The following STON2 variants were observed in gnomAD, a reference collection of about 807,000 sequenced individuals.
STON2 encodes the protein stonin 2.
In STON2, 29 loss-of-function variants were observed where a neutral mutation model predicts 65.7. The ratio of observed to expected loss-of-function variants is 0.44; its 90% CI spans 0.33 to 0.60. The LOEUF is 0.60. Among genes scored for constraint, STON2 ranks in the 20% least tolerant of loss-of-function variants. The pLI is 0.03. For synonymous variants in STON2, 404 were observed against 414.2 expected (o/e 0.98, Z 0.30); for missense variants, 1,054 against 1,118.1 (o/e 0.94, Z 0.82).
chr14:81,318,321 G>T (rs1896700515), intron 5 of STON2, among the ~76,000 whole-genome samples: 1 of 152,088 alleles, frequency 6.6e-6, no homozygotes, highest in Non-Finnish European at 1.5e-5. Flanking sequence ...TGAGTCCCCT[G>T]CTTACTTCCA....
chr14:81,318,315 TC>T (rs1896700405), intron 5 of STON2, among the ~76,000 whole-genome samples: 1 of 151,990 alleles, frequency 6.6e-6, no homozygotes, highest in Non-Finnish European at 1.5e-5. Flanking sequence ...CAGCTATGAG[TC>T]CCCTGCTTAC....
intron 2 of STON2, among the ~76,000 whole-genome samples, chr14:81,411,682 G>A (rs1379919563): frequency 6.6e-6 from 1 of 152,146 alleles, no homozygotes; most frequent in Admixed American, 6.5e-5. Flanking sequence ...ACTCTAGCCT[G>A]GCAAGGCTTT....
intron 2 of STON2, among the ~76,000 whole-genome samples, chr14:81,416,764 A>C (rs114512639): frequency 1.6e-3 from 239 of 152,364 alleles, no homozygotes; most frequent in African/African-American, 5.4e-3. Flanking sequence ...TCTTTGGACC[A>C]TAGGAAAACC....
chr14:81,330,199 C>T lies in STON2; in HGVS notation c.572-6012G>A, dbSNP rs142445380. 4.7e-3 allele frequency among the ~76,000 whole-genome samples: 718 copies of T among 152,294 alleles called. 3 individuals carry two copies. Among genetic ancestry groups the T allele is most frequent in the African/African-American group, 0.017 (689 of 41,566 alleles). ...GCCTCAGCATACCATCACCCCCTCT[C>T]GGCACCGTGAGAAGAATTCAAATGC... On this transcript the variant is annotated intron_variant, in intron 4 of 7. Coordinates refer to ENST00000614646, the MANE Select transcript of STON2 (RefSeq NM_001394390.1).
At chr14:81,409,460 C>T (rs907609729) in intron 2 of STON2, among the ~76,000 whole-genome samples, 1 of 150,532 alleles carries the variant, frequency 6.6e-6, no homozygotes, top group South Asian at 2.1e-4. Context: ...CTTATTTATA[C>T]ACACACACAC....
At chr14:81,293,211 G>A (rs1895629894) in intron 5 of STON2, among the ~76,000 whole-genome samples, 2 of 143,332 alleles carry the variant, frequency 1.4e-5, no homozygotes, top group South Asian at 2.2e-4. Context: ...GTCTCGCTCC[G>A]TCATCAGGCT....
At chr14:81,283,925 G>A (rs1361646398) in intron 5 of STON2, among the ~76,000 whole-genome samples, 3 of 152,150 alleles carry the variant, frequency 2.0e-5, no homozygotes, top group Non-Finnish European at 2.9e-5. Flanking sequence ...TCTGGGTCAC[G>A]TTTTGGTAAT....
chr14:81,268,592 T>G, intron 7 of STON2, 95 bp from the exon 8 acceptor site: 1 of 1,263,866 alleles, frequency 7.9e-7, no homozygotes, highest in Non-Finnish European at 1.0e-6. Context: ...ACTTTGAAAT[T>G]TCTTATAATT....
chr14:81,310,952 T>A (rs1333333425), intron 5 of STON2, among the ~76,000 whole-genome samples: 1 of 152,174 alleles, frequency 6.6e-6, no homozygotes, highest in Non-Finnish European at 1.5e-5. Flanking sequence ...TTGAGGACTA[T>A]GTCTCTGTCT....
intron 3 of STON2, among the ~76,000 whole-genome samples, chr14:81,372,400 C>T (rs1017638819): frequency 6.6e-6 from 1 of 151,884 alleles, no homozygotes; most frequent in Non-Finnish European, 1.5e-5. Flanking sequence ...TAAAAAAATA[C>T]AAAAATTAGC....
intron 1 of STON2, among the ~76,000 whole-genome samples, chr14:81,432,062 G>T (rs1902247328): frequency 6.6e-6 from 1 of 152,138 alleles, no homozygotes; most frequent in Non-Finnish European, 1.5e-5. Flanking sequence ...CACTTAGAAT[G>T]GTGATCCTAG....
At chr14:81,312,120 A>G (rs1896447742) in intron 5 of STON2, among the ~76,000 whole-genome samples, 1 of 152,164 alleles carries the variant, frequency 6.6e-6, no homozygotes, top group African/African-American at 2.4e-5. Context: ...CTTCTCCCTC[A>G]TAAGAAGAGA....
intron 5 of STON2, among the ~76,000 whole-genome samples, chr14:81,309,967 T>C (rs553446776): frequency 2.4e-4 from 36 of 152,294 alleles, no homozygotes; most frequent in African/African-American, 8.4e-4. Flanking sequence ...TATGCAGGAC[T>C]CTGAATTAGA....
rs2140090689 is a variant in STON2 at position 81,267,125 on chromosome 14, AT to A, written c.*1288del. 1.0e-6 allele frequency: 1 copy of A among 985,336 alleles called. No homozygotes were observed. The allele number at this position is 985,336 out of a possible 1,614,324, so 61.0% of individuals were successfully genotyped here. ...GTGTGCTTTCTGTCCCCCGACTTGTATTCTTCATGGGAGAAAACACTAAGAT... is the reference window on the plus strand; with the variant it reads ...GTGTGCTTTCTGTCCCCCGACTTGTATCTTCATGGGAGAAAACACTAAGAT... On this transcript the variant is annotated 3_prime_UTR_variant, in exon 8 of 8. Coordinates refer to ENST00000614646, the MANE Select transcript of STON2 (RefSeq NM_001394390.1).
At chr14:81,389,979 G>A (rs4083463) in intron 3 of STON2, among the ~76,000 whole-genome samples, 46,286 of 151,952 alleles carry the variant, frequency 0.3, 7,334 homozygotes, top group South Asian at 0.42. Context: ...TTGGGAGGCC[G>A]AGGTGGGCCG....
intron 4 of STON2, among the ~76,000 whole-genome samples, chr14:81,353,830 CT>C (rs1243447882): frequency 1.3e-5 from 2 of 152,088 alleles, no homozygotes; most frequent in Admixed American, 1.3e-4. Context: ...GGATGTAGAC[CT>C]TGGTGGTAGC....
chr14:81,408,761 T>C (rs752746375), intron 2 of STON2, among the ~76,000 whole-genome samples: 4 of 152,212 alleles, frequency 2.6e-5, no homozygotes, highest in Non-Finnish European at 5.9e-5. Context: ...CTTGAAAAAC[T>C]GGTTAGGCAT....
At chr14:81,334,835 T>TTTTA (rs1317992458) in intron 4 of STON2, among the ~76,000 whole-genome samples, 6 of 152,094 alleles carry the variant, frequency 3.9e-5, no homozygotes, top group Admixed American at 6.5e-5. Flanking sequence ...TTTTTACCAA[T>TTTTA]TTTATTTATT....
intron 5 of STON2, among the ~76,000 whole-genome samples, chr14:81,305,102 T>C (rs561986112): frequency 1.3e-5 from 2 of 152,370 alleles, no homozygotes; most frequent in African/African-American, 4.8e-5. Flanking sequence ...TTCATTTCAT[T>C]ACATGTGATG....
Sources: allele counts gnomAD v4.1 joint callset (sites outside exome capture counted in the v4.1 genomes callset), GRCh38; gene constraint gnomAD v4.1.1; transcripts MANE v1.5; gene names NCBI Gene and HGNC (gene_info 2026-07-23, HGNC 2026-07-21).